Variants in GLIS3 observed in about 807,000 individuals in gnomAD.
GLIS3 encodes the protein GLIS family zinc finger 3.
In GLIS3, 53 loss-of-function variants were observed where a neutral mutation model predicts 78.6. The observed-to-expected ratio is 0.67, with a 90% CI of 0.54 to 0.85. The LOEUF is 0.85. Ranked by LOEUF, GLIS3 falls within the 40% of genes least tolerant of loss-of-function variation. GLIS3 has a pLI of 0.00. For synonymous variants in GLIS3, 684 were observed against 509.9 expected, an observed-to-expected ratio of 1.34 and a Z score of -4.60; for missense variants, 1,703 against 1,231.1, an observed-to-expected ratio of 1.38 and a Z score of -5.74.
intron 9 of GLIS3, among the ~76,000 whole-genome samples, chr9:3,846,206 CTTAACT>C (rs1468948780): frequency 1.3e-5 from 2 of 152,200 alleles, no homozygotes. Context: ...TGGTTCCGTA[CTTAACT>C]TTCAAGCAAA....
chr9:4,304,085 GATTA>G (rs137931989), upstream of GLIS3, among the ~76,000 whole-genome samples: 835 of 152,296 alleles, frequency 5.5e-3, 11 homozygotes, highest in African/African-American at 0.019. Context: ...CTGATAAATG[GATTA>G]ATTAATGAGA....
intron 2 of GLIS3, among the ~76,000 whole-genome samples, chr9:4,176,322 AG>A (rs1325891942): frequency 6.6e-6 from 1 of 152,226 alleles, no homozygotes; most frequent in East Asian, 1.9e-4. Context: ...AGATAATCAT[AG>A]TGTTTTAGGC....
At chr9:4,199,452 TAA>T (rs1402041216) in intron 2 of GLIS3, among the ~76,000 whole-genome samples, 2 of 149,404 alleles carry the variant, frequency 1.3e-5, no homozygotes, top group African/African-American at 4.9e-5. Context: ...ATATCATATA[TAA>T]GTTATATATA....
At chr9:4,472,140 T>A in the GLIS3 span, among the ~76,000 whole-genome samples, 1 of 152,152 alleles carries the variant, frequency 6.6e-6, no homozygotes, top group African/African-American at 2.4e-5. Flanking sequence ...GAAATAGGAA[T>A]GCTTTTACAC....
chr9:3,932,164 T>C (rs1175465708), intron 6 of GLIS3, among the ~76,000 whole-genome samples, 196 bp downstream of exon 6: 1 of 152,120 alleles, frequency 6.6e-6, no homozygotes, highest in Non-Finnish European at 1.5e-5. Context: ...ATATCAGCTA[T>C]GCAAACCATA....
At chr9:4,321,836 G>A (rs552881153) in intron 2 of GLIS3, among the ~76,000 whole-genome samples, 20 of 152,108 alleles carry the variant, frequency 1.3e-4, no homozygotes, top group African/African-American at 4.8e-4. Flanking sequence ...ACCCTCCCGA[G>A]TAGCTGGGAT....
intron 7 of GLIS3, among the ~76,000 whole-genome samples, chr9:3,896,666 C>T: frequency 1.4e-3 from 1 of 712 alleles, no homozygotes; most frequent in African/African-American, 4.1e-3. Flanking sequence ...ACTCCCATCT[C>T]AATTAAAAAA....
chr9:4,375,936 G>A, the GLIS3 span, among the ~76,000 whole-genome samples: 25 of 152,160 alleles, frequency 1.6e-4, no homozygotes, highest in African/African-American at 2.4e-4. Flanking sequence ...CCAGCTACAC[G>A]TTTCATTGGC....
At chr9:4,425,052 T>C in the GLIS3 span, among the ~76,000 whole-genome samples, 1 of 152,042 alleles carries the variant, frequency 6.6e-6, no homozygotes, top group Non-Finnish European at 1.5e-5. Flanking sequence ...ATGAACACAA[T>C]GACTGGAAGC....
intron 2 of GLIS3, among the ~76,000 whole-genome samples, chr9:4,184,697 T>C (rs1777269894): frequency 6.6e-6 from 1 of 152,200 alleles, no homozygotes; most frequent in African/African-American, 2.4e-5. Flanking sequence ...TTAGAGAGAC[T>C]TAAACAGCAG....
intron 2 of GLIS3, among the ~76,000 whole-genome samples, chr9:4,239,430 T>C (rs1461844528): frequency 6.6e-6 from 1 of 152,106 alleles, no homozygotes; most frequent in East Asian, 1.9e-4. Context: ...CGTATTCCAA[T>C]GAACGAACCT....
intron 4 of GLIS3, among the ~76,000 whole-genome samples, chr9:4,108,295 C>A (rs962837171): frequency 6.6e-6 from 1 of 152,080 alleles, no homozygotes; most frequent in African/African-American, 2.4e-5. Context: ...CAGCTGTTCA[C>A]CATTATATAT....
At chr9:4,007,696 A>G (rs1821665545) in intron 4 of GLIS3, among the ~76,000 whole-genome samples, 1 of 152,180 alleles carries the variant, frequency 6.6e-6, no homozygotes, top group African/African-American at 2.4e-5. Flanking sequence ...ACACATACAC[A>G]CATAAGAAAT....
At chr9:4,267,072 T>C (rs1444550660) in intron 2 of GLIS3, among the ~76,000 whole-genome samples, 1 of 152,160 alleles carries the variant, frequency 6.6e-6, no homozygotes, top group African/African-American at 2.4e-5. Context: ...GGAGAATGCA[T>C]GAGCGTAAAG....
chr9:3,957,622 C>T (rs539146069), intron 4 of GLIS3, among the ~76,000 whole-genome samples: 1 of 152,330 alleles, frequency 6.6e-6, no homozygotes, highest in Admixed American at 6.5e-5. Context: ...ATAGAAGTCA[C>T]ATTTAAAACC....
intron 2 of GLIS3, among the ~76,000 whole-genome samples, chr9:4,338,063 T>TGTGTGTGTGTG: frequency 6.7e-6 from 1 of 148,264 alleles, no homozygotes; most frequent in African/African-American, 2.5e-5. Flanking sequence ...TGTGTGTGTG[T>TGTGTGTGTGTG]TTAGTTTTGA....
intron 9 of GLIS3, among the ~76,000 whole-genome samples, chr9:3,848,596 T>G (rs1303030424): frequency 1.3e-5 from 2 of 152,230 alleles, no homozygotes; most frequent in East Asian, 3.8e-4. Flanking sequence ...CTACAGCCCA[T>G]AGGCATCTTG....
At chr9:4,106,098 C>A (rs758113288) in intron 4 of GLIS3, among the ~76,000 whole-genome samples, 6 of 152,148 alleles carry the variant, frequency 3.9e-5, no homozygotes, top group Non-Finnish European at 8.8e-5. Flanking sequence ...CAACTTGTAT[C>A]CCAGTACACC....
rs140659216 is a variant in GLIS3 at position 4,340,547 on chromosome 9, G to A, written n.264+6534C>T. Among the ~76,000 whole-genome samples the A allele has an allele frequency of 2.3e-3, 343 of 152,258 alleles. 2 individuals are homozygous for A. The highest frequency in any genetic ancestry group is 7.8e-3 in the African/African-American group (325 of 41,542). On this transcript the variant is annotated intron_variant and non_coding_transcript_variant, in intron 2 of 4. Coordinates refer to the GLIS3 transcript ENST00000471664. ...TTCCTGGGTCTAGGGTTAAGCTTCT[G>A]TGTATTTGTGGTGGCAGGACAGCAG...
Sources: allele counts gnomAD v4.1 joint callset (sites outside exome capture counted in the v4.1 genomes callset), GRCh38; gene constraint gnomAD v4.1.1; transcripts MANE v1.5; gene names NCBI Gene and HGNC (gene_info 2026-07-23, HGNC 2026-07-21).